Variants in SAMD12 observed in about 807,000 individuals in gnomAD.
SAMD12 encodes sterile alpha motif domain-containing protein 12.
In SAMD12, 9 loss-of-function variants were observed where a neutral mutation model predicts 15.0. The ratio of observed to expected loss-of-function variants is 0.60; its 90% CI spans 0.36 to 1.05. SAMD12 has a LOEUF of 1.05. Ranked by LOEUF, SAMD12 falls within the 50% of genes least tolerant of loss-of-function variation. The pLI is 0.01. For missense variants in SAMD12, 230 were observed against 234.2 expected (o/e 0.98, Z 0.12); for synonymous variants, 86 against 90.1 (o/e 0.96, Z 0.25).
At chr8:118,163,898 C>CAA in the SAMD12 span, among the ~76,000 whole-genome samples, 1 of 147,964 alleles carries the variant, frequency 6.8e-6, no homozygotes, top group African/African-American at 2.5e-5. Context: ...CAAAACAAAA[C>CAA]AAAACAAAAC....
chr8:118,187,131 C>G (rs1819256355), downstream of SAMD12, among the ~76,000 whole-genome samples: 2 of 152,160 alleles, frequency 1.3e-5, no homozygotes, highest in South Asian at 4.1e-4. Context: ...TTTTCAACTT[C>G]TCGTGAGAAA....
At chr8:118,165,626 A>ACATATATATGTATATATG in the SAMD12 span, among the ~76,000 whole-genome samples, 2,215 of 143,464 alleles carry the variant, frequency 0.015, 67 homozygotes, top group African/African-American at 0.055. Context: ...ATATATATAT[A>ACATATATATGTATATATG]TATATATATA....
At chr8:118,549,012 C>T (rs921397818) in intron 2 of SAMD12, among the ~76,000 whole-genome samples, 1 of 152,258 alleles carries the variant, frequency 6.6e-6, no homozygotes, top group Non-Finnish European at 1.5e-5. Flanking sequence ...CTTAGGTAAA[C>T]GAAGCAGCCA....
chr8:118,379,781 CTGCCA>C, intron 3 of SAMD12, 81 bp from the exon 4 acceptor site: 1 of 1,520,764 alleles, frequency 6.6e-7, no homozygotes, highest in Non-Finnish European at 8.8e-7. Flanking sequence ...TTGACTAACC[CTGCCA>C]TCACAGAAGT....
chr8:118,460,439 A>T (rs1171049949), intron 2 of SAMD12, among the ~76,000 whole-genome samples: 2 of 152,188 alleles, frequency 1.3e-5, no homozygotes, highest in Non-Finnish European at 2.9e-5. Context: ...AGAGAGAAAC[A>T]TAATTTTAGG....
At chr8:118,146,116 C>T in the SAMD12 span, among the ~76,000 whole-genome samples, 5 of 152,200 alleles carry the variant, frequency 3.3e-5, no homozygotes, top group South Asian at 2.1e-4. Flanking sequence ...ACTCCGACTT[C>T]GGTACAGGAA....
intron 4 of SAMD12, among the ~76,000 whole-genome samples, chr8:118,370,887 C>A (rs1259966371): frequency 6.6e-6 from 1 of 152,062 alleles, no homozygotes; most frequent in Admixed American, 6.6e-5. Context: ...CACCATGGTA[C>A]ACGTTTACCT....
chr8:118,537,100 C>T (rs1825865688), intron 2 of SAMD12, among the ~76,000 whole-genome samples: 1 of 151,974 alleles, frequency 6.6e-6, no homozygotes, highest in Non-Finnish European at 1.5e-5. Flanking sequence ...ATTGGTCATG[C>T]CACTCTTTCC....
At chr8:118,516,560 T>G (rs1473051643) in intron 2 of SAMD12, among the ~76,000 whole-genome samples, 1 of 152,154 alleles carries the variant, frequency 6.6e-6, no homozygotes, top group African/African-American at 2.4e-5. Context: ...TTGTTTCCAA[T>G]AATCTTTTCC....
intron 4 of SAMD12, chr8:118,284,516 A>G: frequency 2.8e-6 from 1 of 352,998 alleles, no homozygotes; most frequent in Admixed American, 3.7e-5. Flanking sequence ...CCATCTAGAC[A>G]AAAATGGAAC....
chr8:118,549,164 T>C (rs968075568), intron 2 of SAMD12, among the ~76,000 whole-genome samples: 1 of 152,338 alleles, frequency 6.6e-6, no homozygotes, highest in East Asian at 1.9e-4. Context: ...CTGACAGCTT[T>C]GAAGAGAGCA....
chr8:118,154,471 A>G, the SAMD12 span, among the ~76,000 whole-genome samples: 887 of 152,284 alleles, frequency 5.8e-3, 4 homozygotes, highest in Non-Finnish European at 9.7e-3. Context: ...TCATACTGTT[A>G]TCATAACGCA....
intron 2 of SAMD12, among the ~76,000 whole-genome samples, chr8:118,571,740 C>G (rs1210372917): frequency 6.6e-6 from 1 of 152,162 alleles, no homozygotes; most frequent in Non-Finnish European, 1.5e-5. Context: ...GAATTGGGGT[C>G]TGAGAACCTA....
At chr8:118,393,135 T>G (rs1340876479) in intron 3 of SAMD12, among the ~76,000 whole-genome samples, 1 of 152,222 alleles carries the variant, frequency 6.6e-6, no homozygotes, top group African/African-American at 2.4e-5. Flanking sequence ...CTGGGATGTA[T>G]TCTTACCTCC....
intron 4 of SAMD12, chr8:118,282,058 G>A: frequency 3.1e-6 from 1 of 327,464 alleles, no homozygotes; most frequent in Non-Finnish European, 6.0e-6. Context: ...GTAACCAAGT[G>A]GAGCTGAATG....
intron 2 of SAMD12, among the ~76,000 whole-genome samples, chr8:118,470,241 A>C (rs1475370249): frequency 6.8e-6 from 1 of 147,784 alleles, no homozygotes; most frequent in Admixed American, 6.6e-5. Context: ...TCAATATGTT[A>C]TCTTTTTTTT....
At chr8:118,392,571 G>A (rs1022381705) in intron 3 of SAMD12, among the ~76,000 whole-genome samples, 6 of 152,274 alleles carry the variant, frequency 3.9e-5, no homozygotes, top group South Asian at 2.1e-4. Context: ...GGGAGCACCC[G>A]AAAGGGTGGG....
At chr8:118,580,653 G>T in intron 2 of SAMD12, 62 bp downstream of exon 2, 2 of 1,206,024 alleles carry the variant, frequency 1.7e-6, no homozygotes, top group Non-Finnish European at 1.2e-6. Context: ...CTCTGTAGCT[G>T]GACTACAACA....
chr8:118,160,267 C>A, the SAMD12 span, among the ~76,000 whole-genome samples: 1 of 152,160 alleles, frequency 6.6e-6, no homozygotes, highest in African/African-American at 2.4e-5. Context: ...GATAGATATA[C>A]TATGTCCATG....
Sources: allele counts gnomAD v4.1 joint callset (sites outside exome capture counted in the v4.1 genomes callset), GRCh38; gene constraint gnomAD v4.1.1; transcripts MANE v1.5; gene names NCBI Gene and HGNC (gene_info 2026-07-23, HGNC 2026-07-21).